ADA2: variants seen among roughly 807,000 people sequenced by gnomAD.
The protein encoded by ADA2 is adenosine deaminase CECR1.
Under a neutral mutation model 44.2 loss-of-function variants are expected in ADA2, and 29 were observed. The observed-to-expected ratio is 0.66, with a 90% confidence interval of 0.49 to 0.89. The LOEUF is 0.89. Ranked by LOEUF, ADA2 falls within the 40% of genes least tolerant of loss-of-function variation. The pLI is 0.00. For missense variants in ADA2, 637 were observed against 644.8 expected (o/e 0.99, Z 0.13); for synonymous variants, 215 against 234.9 (o/e 0.92, Z 0.77).
At position 17,208,192 on chromosome 22, in the gene ADA2, G is replaced by A. The variant is rs536727861; in HGVS notation, c.323-902C>T. Among the ~76,000 whole-genome samples the A allele has an allele frequency of 3.2e-4, 49 of 152,100 alleles. No individual in the cohort carries two copies. The South Asian group carries it at 5.6e-3, about 17-fold the overall frequency. On this transcript the variant is annotated intron_variant, in intron 2 of 9. Coordinates refer to ENST00000399837, the MANE Select transcript of ADA2 (RefSeq NM_001282225.2). ...TGTAACCCCAGCACTTTGGGAGGCC[G>A]AGGCAGGCAGATCACGAGGTCAGGA... is the stretch of plus-strand genomic sequence containing the variant.
intron 1 of ADA2, among the ~76,000 whole-genome samples, chr22:17,216,623 T>C (rs2062474767): frequency 1.3e-5 from 2 of 151,378 alleles, no homozygotes; most frequent in Non-Finnish European, 2.9e-5. Flanking sequence ...AAACTAGCCA[T>C]GTGGCGTGTG....
chr22:17,195,761 CTTTTTTT>C (rs59967054), intron 4 of ADA2, among the ~76,000 whole-genome samples: 1 of 128,788 alleles, frequency 7.8e-6, no homozygotes, highest in African/African-American at 2.9e-5. Context: ...AATTTCTTTC[CTTTTTTT>C]TTTTTTTTTT....
At chr22:17,199,656 G>A (rs1026134982) in intron 4 of ADA2, 69 of 1,611,880 alleles carry the variant, frequency 4.3e-5, no homozygotes, top group Non-Finnish European at 5.2e-5. Flanking sequence ...CTATTAGGAC[G>A]CTCAGAGAGC....
At chr22:17,188,587 G>T in intron 6 of ADA2, 140 bp from the exon 7 acceptor site, 1 of 584,906 alleles carries the variant, frequency 1.7e-6, no homozygotes, top group South Asian at 2.1e-5. Flanking sequence ...TTTTAAGAAT[G>T]ACCAGGAGCA....
Position 17,180,470 on chromosome 22 carries a change from G to A in ADA2, c.*1013C>T, listed in dbSNP as rs1447194883. The A allele has an allele frequency of 6.6e-6, 1 of 152,364 alleles. No individual in the cohort carries two copies. The highest frequency in any genetic ancestry group is 2.4e-5 in the African/African-American group (1 of 41,456). The allele number at this position is 152,364 out of a possible 1,614,324, so 9.4% of individuals were successfully genotyped here. A position where few individuals can be genotyped will look rare whatever the true frequency, so the allele number is the denominator to read the frequency against. On this transcript the variant is annotated 3_prime_UTR_variant, in exon 10 of 10. Coordinates refer to ENST00000399837, the MANE Select transcript of ADA2 (RefSeq NM_001282225.2). Reference sequence around the variant, plus strand: ...TTTGAGCAACTGCGTGGAATGGATGGAGGTGTCCTTCACCAGCTATGGGAA... The same window carrying A: ...TTTGAGCAACTGCGTGGAATGGATGAAGGTGTCCTTCACCAGCTATGGGAA...
chr22:17,188,868 A>AAAAAAAAAAATATATATATAT, intron 6 of ADA2: 3 of 81,126 alleles, frequency 3.7e-5, no homozygotes, highest in Admixed American at 1.3e-4. Flanking sequence ...AAGAGCAAAA[A>AAAAAAAAAAATATATATATAT]ATATATATAT....
In ADA2 at chr22:17,188,319, C is replaced by CAGCGGGA. The variant is rs776009181; in HGVS notation, c.1081+19_1081+20insTCCCGCT. On this transcript the variant is annotated intron_variant, in intron 7 of 9. Coordinates refer to ENST00000399837, the MANE Select transcript of ADA2 (RefSeq NM_001282225.2). ...CCATTGACCACCTCCGCTGCCTCTG[C>CAGCGGGA]TCGCATCCCGCAGGCTCACCTGTTT... 181 of 1,587,846 alleles carry CAGCGGGA rather than the reference C, an allele frequency of 1.1e-4. No individual in the cohort carries two copies. The African/African-American group carries it at 2.0e-3, about 17-fold the overall frequency.
intron 3 of ADA2, among the ~76,000 whole-genome samples, chr22:17,205,949 G>A (rs1392501898): frequency 6.6e-6 from 1 of 152,170 alleles, no homozygotes; most frequent in Non-Finnish European, 1.5e-5. Context: ...GAAGTGAGCC[G>A]AGATTGTGCC....
intron 1 of ADA2, among the ~76,000 whole-genome samples, chr22:17,214,363 G>A (rs1159157825): frequency 6.6e-6 from 1 of 152,180 alleles, no homozygotes; most frequent in Non-Finnish European, 1.5e-5. Flanking sequence ...AGGTTTCTTG[G>A]CAACATATAG....
intron 4 of ADA2, among the ~76,000 whole-genome samples, chr22:17,194,518 CGCAGTGGGGGAGCAG>C (rs1451899213): frequency 6.6e-6 from 1 of 152,156 alleles, no homozygotes; most frequent in African/African-American, 2.4e-5. Flanking sequence ...CCTGGGCAGG[CGCAGTGGGGGAGCAG>C]GCAGTGAGGC....
intron 6 of ADA2, chr22:17,188,868 A>AAAAAAAAAAAATATATATAT: frequency 1.2e-5 from 1 of 81,182 alleles, no homozygotes; most frequent in African/African-American, 4.2e-5. Flanking sequence ...AAGAGCAAAA[A>AAAAAAAAAAAATATATATAT]ATATATATAT....
chr22:17,207,008 G>T, intron 3 of ADA2, 63 bp downstream of exon 3: 2 of 1,262,268 alleles, frequency 1.6e-6, no homozygotes, highest in Non-Finnish European at 1.1e-6. Flanking sequence ...TACCAAGGGA[G>T]ACACCTACCC....
At chr22:17,214,469 C>G (rs150192379) in intron 1 of ADA2, among the ~76,000 whole-genome samples, 2 of 152,314 alleles carry the variant, frequency 1.3e-5, no homozygotes, top group East Asian at 3.9e-4. Flanking sequence ...GTTTTTATCC[C>G]CGAGTTGCAT....
chr22:17,218,678 T>A (rs954289012), intron 1 of ADA2, among the ~76,000 whole-genome samples: 1 of 152,208 alleles, frequency 6.6e-6, no homozygotes, highest in Non-Finnish European at 1.5e-5. Context: ...CTGTGAACTT[T>A]TCCAGGCTGC....
At position 17,181,543 on chromosome 22, in the gene ADA2, A is replaced by G; in HGVS notation, c.1476T>C (p.Thr492=). The change falls in exon 10 of 10, where the codon ACT becomes ACC. Residue 492 remains threonine, a synonymous_variant. Coordinates refer to ENST00000399837, the MANE Select transcript of ADA2 (RefSeq NM_001282225.2). ...ATCTCTTCTTCCAGATTTCCATGAA[A>G]GTATTTTTCTCACTCTCCAACAGGG... ...YSTLLESEKN[T]FMEIWKKRWD... 6.2e-7 allele frequency: 1 copy of G among 1,613,562 alleles called. No homozygotes were observed. The highest frequency in any genetic ancestry group is 8.5e-7 in the Non-Finnish European group (1 of 1,179,572).
At chr22:17,204,858 A>C (rs2062336231) in intron 3 of ADA2, among the ~76,000 whole-genome samples, 1 of 149,130 alleles carries the variant, frequency 6.7e-6, no homozygotes, top group Non-Finnish European at 1.5e-5. Flanking sequence ...GCAGTGTCAC[A>C]ATCACAGCTC....
intron 1 of ADA2, chr22:17,214,248 T>C (rs1471430113): frequency 1.3e-5 from 5 of 394,598 alleles, no homozygotes; most frequent in South Asian, 2.3e-5. Flanking sequence ...TCTAGAAACA[T>C]GGCTTTACAC....
intron 6 of ADA2, among the ~76,000 whole-genome samples, chr22:17,189,199 T>C (rs2062082774): frequency 6.6e-6 from 1 of 151,806 alleles, no homozygotes; most frequent in Non-Finnish European, 1.5e-5. Flanking sequence ...GTGTTTTTAG[T>C]AGAGATGCGG....
chr22:17,188,868 A>AAAAAAAAAAAAAAAAAAAATATATAT, intron 6 of ADA2: 2 of 81,180 alleles, frequency 2.5e-5, no homozygotes, highest in African/African-American at 8.4e-5. Context: ...AAGAGCAAAA[A>AAAAAAAAAAAAAAAAAAAATATATAT]ATATATATAT....
Sources: allele counts gnomAD v4.1 joint callset (sites outside exome capture counted in the v4.1 genomes callset), GRCh38; gene constraint gnomAD v4.1.1; transcripts MANE v1.5; gene names NCBI Gene and HGNC (gene_info 2026-07-23, HGNC 2026-07-21).